The following SRGAP2C variants were observed in gnomAD, a reference collection of about 807,000 sequenced individuals.
SRGAP2C encodes SLIT-ROBO Rho GTPase-activating protein 2C.
SRGAP2C carries 15 observed loss-of-function variants against 25.1 expected under a neutral mutation model. That is an observed-to-expected ratio of 0.60 (90% confidence interval 0.40 to 0.92). The LOEUF (loss-of-function observed/expected upper bound fraction) is 0.92. Among genes scored for constraint, SRGAP2C ranks in the 40% least tolerant of loss-of-function variants. The pLI is 0.00. For missense variants in SRGAP2C, 144 were observed against 264.4 expected, an observed-to-expected ratio of 0.54 and a Z score of 3.16; for synonymous variants, 44 against 96.6, an observed-to-expected ratio of 0.46 and a Z score of 3.19.
At chr1:121,264,893 C>G (rs1224222204) in intron 2 of SRGAP2C, among the ~76,000 whole-genome samples, 1 of 118,794 alleles carries the variant, frequency 8.4e-6, no homozygotes, top group Non-Finnish European at 1.8e-5. Flanking sequence ...TATTTCCCAA[C>G]ATTTAAAAAT....
chr1:121,328,878 C>A lies in SRGAP2C; in HGVS notation c.423+4238C>A, dbSNP rs1217632656. Among the ~76,000 whole-genome samples, 801 of 135,668 alleles carry A rather than the reference C, an allele frequency of 5.9e-3. 23 individuals are homozygous for A. The East Asian group carries it at 0.092, about 16-fold the overall frequency. The allele number at this position is 135,668 out of a possible 152,430, so 89.0% of individuals were successfully genotyped here. A position where few individuals can be genotyped will look rare whatever the true frequency, so the allele number is the denominator to read the frequency against. On this transcript the variant is annotated intron_variant, in intron 4 of 9. Transcript: ENST00000367123. The stretch of plus-strand genomic sequence containing the variant: ...CTCTAGCTTGAGTAACAGAGCCAGA[C>A]CCTGTCTGTTTAAAAAAAAAAAAAA...
chr1:121,289,302 G>A (rs1488433729), intron 3 of SRGAP2C, among the ~76,000 whole-genome samples: 2 of 146,316 alleles, frequency 1.4e-5, no homozygotes, highest in African/African-American at 2.5e-5. Flanking sequence ...CCGATGGTCC[G>A]GCACTGCTGG....
rs1164698481 is a variant in SRGAP2C, at chr1:121,270,281, T to G, written c.68-14522T>G. Among the ~76,000 whole-genome samples the G allele has an allele frequency of 1.6e-4, 25 of 152,106 alleles. 2 individuals carry two copies. The highest frequency in any genetic ancestry group is 5.9e-4 in the Admixed American group (9 of 15,238). On this transcript the variant is annotated intron_variant, in intron 2 of 9. Transcript: ENST00000367123. ...CAGAATTTTTTAAGACATGGCTACT[T>G]TATCTTCAGGCCTTGAATATTGCTG... is the stretch of plus-strand genomic sequence containing the variant.
chr1:121,233,145 CTTTTTTTT>C (rs1196199123), intron 2 of SRGAP2C, among the ~76,000 whole-genome samples: 17 of 118,122 alleles, frequency 1.4e-4, no homozygotes, highest in African/African-American at 4.1e-4. Context: ...CCCCTTGGTT[CTTTTTTTT>C]TTTTTTTTTT....
chr1:121,199,741 G>T (rs1209264309), intron 2 of SRGAP2C, among the ~76,000 whole-genome samples: 7 of 144,556 alleles, frequency 4.8e-5, no homozygotes, highest in Non-Finnish European at 3.0e-5. Flanking sequence ...GTTGCAGTGA[G>T]CCCAGATCAC....
chr1:121,202,708 T>C (rs9286571), intron 2 of SRGAP2C, among the ~76,000 whole-genome samples: 45 of 152,110 alleles, frequency 3.0e-4, no homozygotes, highest in Non-Finnish European at 6.0e-4. Context: ...ATTATAGGCG[T>C]GAGCCACCGT....
At chr1:121,351,609 CAAAAT>C (rs1658909511) in intron 4 of SRGAP2C, among the ~76,000 whole-genome samples, 2 of 120,604 alleles carry the variant, frequency 1.7e-5, no homozygotes, top group Admixed American at 1.6e-4. Context: ...GACTCCATCT[CAAAAT>C]AAATAAATAA....
chr1:121,302,379 G>A (rs1657721800), intron 3 of SRGAP2C, among the ~76,000 whole-genome samples: 1 of 151,836 alleles, frequency 6.6e-6, no homozygotes, highest in East Asian at 1.9e-4. Context: ...AAGAATTTTT[G>A]TATACTACCA....
rs1165207723 is a variant in SRGAP2C, at chr1:121,392,086, A to C, written c.*4231A>C. 6.6e-6 allele frequency: 1 copy of C among 152,186 alleles called. No homozygotes were observed. Among genetic ancestry groups the C allele is most frequent in the Non-Finnish European group, 1.5e-5 (1 of 68,010 alleles). The allele number at this position is 152,186 out of a possible 1,614,324, so 9.4% of individuals were successfully genotyped here. ...CAGAGGGATTTAAGAGTATATTTGC[A>C]CACACAGAGGAAGCCATGAACTTGA... On this transcript the variant is annotated 3_prime_UTR_variant, in exon 10 of 10. Transcript: ENST00000367123.
intron 2 of SRGAP2C, among the ~76,000 whole-genome samples, chr1:121,274,634 G>A (rs374604236): frequency 2.6e-5 from 2 of 77,440 alleles, no homozygotes; most frequent in South Asian, 6.4e-4. Flanking sequence ...TTGGAGCCTT[G>A]AGAACATACA....
At chr1:121,320,510 T>C (rs1180372284) in intron 3 of SRGAP2C, among the ~76,000 whole-genome samples, 1 of 123,108 alleles carries the variant, frequency 8.1e-6, no homozygotes, top group Non-Finnish European at 1.7e-5. Flanking sequence ...AAATCTGCTT[T>C]TAAAGTACAA....
chr1:121,312,254 TG>T, intron 3 of SRGAP2C, among the ~76,000 whole-genome samples: 1 of 36,110 alleles, frequency 2.8e-5, no homozygotes. Flanking sequence ...TGTATTTCTG[TG>T]GGATCAGTGG....
At chr1:121,336,445 TCCC>T (rs1170650734) in intron 4 of SRGAP2C, among the ~76,000 whole-genome samples, 2 of 106,054 alleles carry the variant, frequency 1.9e-5, no homozygotes, top group African/African-American at 3.6e-5. Flanking sequence ...TCTCTCTCCC[TCCC>T]CCCCTTCCTT....
intron 2 of SRGAP2C, among the ~76,000 whole-genome samples, chr1:121,260,169 AG>A (rs1211575029): frequency 6.8e-6 from 1 of 148,104 alleles, no homozygotes; most frequent in African/African-American, 2.5e-5. Flanking sequence ...TGCCTGGCCC[AG>A]GTTGCATTTT....
At chr1:121,219,174 C>A (rs1655471391) in intron 2 of SRGAP2C, among the ~76,000 whole-genome samples, 1 of 148,018 alleles carries the variant, frequency 6.8e-6, no homozygotes, top group South Asian at 2.1e-4. Context: ...ACTACTGACC[C>A]TGAAGCAGCC....
intron 2 of SRGAP2C, among the ~76,000 whole-genome samples, chr1:121,212,231 AG>A (rs1387974497): frequency 3.3e-5 from 4 of 120,732 alleles, no homozygotes; most frequent in Non-Finnish European, 6.7e-5. Flanking sequence ...CCCGGGTTCA[AG>A]CAATTCTCCT....
chr1:121,230,753 C>T (rs1655795637), intron 2 of SRGAP2C, among the ~76,000 whole-genome samples: 1 of 151,506 alleles, frequency 6.6e-6, no homozygotes, highest in Non-Finnish European at 1.5e-5. Context: ...TATTGCAGCA[C>T]TATTCACAAT....
rs377198520 is a variant in SRGAP2C at position 121,271,495 on chromosome 1, C to T, written c.68-13308C>T. ...TTTACAGCAATAAGTGAAACTTAGG[C>T]CCTTTCTGATTTAATAATAGCCCAT... is the stretch of plus-strand genomic sequence containing the variant. On this transcript the variant is annotated intron_variant, in intron 2 of 9. Transcript: ENST00000367123. 1.6e-4 allele frequency among the ~76,000 whole-genome samples: 25 copies of T among 151,950 alleles called. No individual in the cohort carries two copies. In the East Asian group the frequency reaches 3.9e-3, roughly 23 times the overall value.
intron 2 of SRGAP2C, among the ~76,000 whole-genome samples, chr1:121,277,353 A>G (rs1157171927): frequency 6.6e-6 from 1 of 151,988 alleles, no homozygotes; most frequent in Admixed American, 6.6e-5. Flanking sequence ...TTTGCAAGGG[A>G]CCAAAAATCC....
Sources: gnomAD v4.1 joint callset for allele counts (sites outside exome capture counted in the v4.1 genomes callset) on GRCh38, gnomAD v4.1.1 for gene constraint, MANE v1.5 for transcripts, NCBI Gene and HGNC (gene_info 2026-07-23, HGNC 2026-07-21) for gene names.